ZMYM2: variants seen among roughly 807,000 people sequenced by gnomAD.
ZMYM2 encodes the protein zinc finger MYM-type protein 2.
In ZMYM2, 56 loss-of-function variants were observed where a neutral mutation model predicts 162.8. The observed-to-expected ratio is 0.34, with a 90% CI of 0.28 to 0.43. The LOEUF (loss-of-function observed/expected upper bound fraction) is 0.43. Among genes scored for constraint, ZMYM2 ranks in the 20% least tolerant of loss-of-function variants. The pLI is 1.00. For synonymous variants in ZMYM2, 510 were observed against 541.6 expected (o/e 0.94, Z 0.81); for missense variants, 1,275 against 1,621.8 (o/e 0.79, Z 3.67).
chr13:20,022,121 G>C (rs1952164258), intron 7 of ZMYM2, among the ~76,000 whole-genome samples: 1 of 152,112 alleles, frequency 6.6e-6, no homozygotes, highest in Admixed American at 6.5e-5. Flanking sequence ...GAAAACCATT[G>C]TTTTTTTGTG....
At chr13:19,959,708 G>T (rs1271097681) in intron 1 of ZMYM2, among the ~76,000 whole-genome samples, 3 of 152,076 alleles carry the variant, frequency 2.0e-5, no homozygotes, top group African/African-American at 7.2e-5. Context: ...GAGCAGGCTC[G>T]GTGTCCTTAG....
At chr13:20,057,574 C>G (rs1040321436) in intron 14 of ZMYM2, among the ~76,000 whole-genome samples, 5 of 152,120 alleles carry the variant, frequency 3.3e-5, no homozygotes, top group Non-Finnish European at 7.3e-5. Flanking sequence ...GAGTACTGTA[C>G]AGTGTGCATG....
the ZMYM2 span, among the ~76,000 whole-genome samples, chr13:19,876,430 C>T: frequency 6.6e-6 from 1 of 152,034 alleles, no homozygotes; most frequent in East Asian, 1.9e-4. Flanking sequence ...TCAAGTGATT[C>T]TCCTGCCTCA....
At chr13:20,066,678 T>G in intron 19 of ZMYM2, 173 bp from the exon 20 acceptor site, 1 of 492,520 alleles carries the variant, frequency 2.0e-6, no homozygotes, top group Non-Finnish European at 3.4e-6. Context: ...TAGAAGGAGG[T>G]TGGAGAGGCA....
At chr13:20,048,801 CTTGTT>C (rs1320977417) in intron 12 of ZMYM2, among the ~76,000 whole-genome samples, 6 of 65,324 alleles carry the variant, frequency 9.2e-5, no homozygotes, top group Non-Finnish European at 2.7e-4. Flanking sequence ...GAACCTGTGA[CTTGTT>C]TTTTTTTTTT....
intron 6 of ZMYM2, among the ~76,000 whole-genome samples, chr13:20,013,718 TGTG>T (rs1470187650): frequency 6.6e-6 from 1 of 152,232 alleles, no homozygotes; most frequent in Non-Finnish European, 1.5e-5. Flanking sequence ...CTCTTATTTA[TGTG>T]GTACGTTACA....
the ZMYM2 span, among the ~76,000 whole-genome samples, chr13:19,909,320 T>C: frequency 6.6e-6 from 1 of 152,180 alleles, no homozygotes; most frequent in Non-Finnish European, 1.5e-5. Flanking sequence ...GACTTTCTCA[T>C]GATTTTGTTT....
chr13:19,968,883 TGTTCA>T (rs1336880114), intron 2 of ZMYM2, among the ~76,000 whole-genome samples: 2 of 152,234 alleles, frequency 1.3e-5, no homozygotes, highest in African/African-American at 2.4e-5. Context: ...AAGTTCTCAC[TGTTCA>T]GTTCAGAGAG....
intron 4 of ZMYM2, among the ~76,000 whole-genome samples, chr13:20,004,516 A>G (rs952040458): frequency 2.0e-5 from 3 of 152,118 alleles, no homozygotes; most frequent in African/African-American, 4.8e-5. Flanking sequence ...CAGCCTCCCA[A>G]AGTGCTGGGA....
the ZMYM2 span, among the ~76,000 whole-genome samples, chr13:19,905,985 A>T: frequency 6.6e-6 from 1 of 151,906 alleles, no homozygotes; most frequent in Non-Finnish European, 1.5e-5. Context: ...TTTTTAATAT[A>T]AAATAAATGG....
At position 20,016,447 on chromosome 13, in the gene ZMYM2, A is replaced by G. The variant is rs181589495; in HGVS notation, c.1513-3100A>G. ...TTATACTTGTTTTGTATTCTCCCATATATTTACTAAAGATTGGGTCAAGTG... is the reference window on the plus strand; with the variant it reads ...TTATACTTGTTTTGTATTCTCCCATGTATTTACTAAAGATTGGGTCAAGTG... On this transcript the variant is annotated intron_variant, in intron 6 of 24. Transcript: ENST00000610343. Among the ~76,000 whole-genome samples, 85 of 152,290 alleles carry G rather than the reference A, an allele frequency of 5.6e-4. 1 individual carries two copies. The East Asian group carries it at 0.015, about 27-fold the overall frequency.
At chr13:19,918,501 T>C in the ZMYM2 span, among the ~76,000 whole-genome samples, 45 of 129,944 alleles carry the variant, frequency 3.5e-4, no homozygotes, top group Middle Eastern at 3.8e-3. Context: ...CTTTCTTTTT[T>C]TTTTTTTTTT....
chr13:20,030,350 G>A (rs536218917), intron 9 of ZMYM2, among the ~76,000 whole-genome samples: 1 of 142,038 alleles, frequency 7.0e-6, no homozygotes, highest in South Asian at 2.2e-4. Context: ...CCCTGCCTCA[G>A]CCTCCCAAGT....
the ZMYM2 span, among the ~76,000 whole-genome samples, chr13:19,922,845 AAAAACAAAAC>A: frequency 2.6e-5 from 4 of 152,162 alleles, no homozygotes; most frequent in Admixed American, 2.0e-4. Flanking sequence ...CTCCGTCTCA[AAAAACAAAAC>A]AAAACAAAAA....
At chr13:19,926,713 G>A in the ZMYM2 span, among the ~76,000 whole-genome samples, 3 of 152,004 alleles carry the variant, frequency 2.0e-5, no homozygotes, top group Admixed American at 2.0e-4. Flanking sequence ...TTTCACACAG[G>A]CTGGAGTTCA....
chr13:20,028,079 G>GT (rs2140271144), intron 9 of ZMYM2: 1 of 176,680 alleles, frequency 5.7e-6, no homozygotes, highest in South Asian at 2.0e-4. Context: ...TGTGCTCTAT[G>GT]TTAATTTATT....
intron 18 of ZMYM2, 119 bp downstream of exon 18, chr13:20,063,090 T>A (rs1449890820): frequency 1.6e-6 from 2 of 1,251,998 alleles, no homozygotes; most frequent in African/African-American, 1.5e-5. Flanking sequence ...TTATTCTTGT[T>A]ATTTTTTAAA....
chr13:20,048,846 T>G (rs1338688322), intron 12 of ZMYM2, among the ~76,000 whole-genome samples: 1 of 151,714 alleles, frequency 6.6e-6, no homozygotes, highest in African/African-American at 2.4e-5. Flanking sequence ...TTGCTATCCT[T>G]GATTTCACAA....
the ZMYM2 span, among the ~76,000 whole-genome samples, chr13:19,946,622 A>G: frequency 7.2e-5 from 11 of 152,164 alleles, no homozygotes; most frequent in Non-Finnish European, 1.5e-4. Context: ...AGTAGAGAGT[A>G]TACATCCCAT....
Sources: gnomAD v4.1 joint callset for allele counts (sites outside exome capture counted in the v4.1 genomes callset) on GRCh38, gnomAD v4.1.1 for gene constraint, MANE v1.5 for transcripts, NCBI Gene and HGNC (gene_info 2026-07-23, HGNC 2026-07-21) for gene names.